TMEM151B: variants seen among roughly 807,000 people sequenced by gnomAD.
The protein encoded by TMEM151B is transmembrane protein 151B, also known as transmembrane protein 193.
In TMEM151B, 18 loss-of-function variants were observed where a neutral mutation model predicts 33.0. The observed-to-expected ratio is 0.55, with a 90% confidence interval of 0.38 to 0.81. TMEM151B has a LOEUF of 0.81. Ranked by LOEUF, TMEM151B falls within the 30% of genes least tolerant of loss-of-function variation. The pLI, the probability that TMEM151B is intolerant of heterozygous loss-of-function variation, is 0.00. For missense variants in TMEM151B, 672 were observed against 843.4 expected, an observed-to-expected ratio of 0.80 and a Z score of 2.52; for synonymous variants, 354 against 373.6, an observed-to-expected ratio of 0.95 and a Z score of 0.61.
intron 1 of TMEM151B, among the ~76,000 whole-genome samples, 177 bp downstream of exon 1, chr6:44,271,054 T>A (rs1241135888): frequency 6.7e-6 from 1 of 148,430 alleles, no homozygotes; most frequent in Non-Finnish European, 1.5e-5. Context: ...CTGTCCGCGG[T>A]GCCGGGGAAG....
At position 44,275,992 on chromosome 6, in the gene TMEM151B, A is replaced by C; in HGVS notation, c.1166A>C (p.Glu389Ala). ...CAGCAGCTGGTGCCCAGCTACTCTG[A>C]GGCGGTGCTCATGGACCTGGCGGGG... is the stretch of plus-strand genomic sequence containing the variant. ...SNQQLVPSYS[E>A]AVLMDLAGLG... The change falls in exon 3 of 3, where the codon GAG (glutamate) becomes GCG (alanine). Residue 389 changes from glutamate (E) to alanine (A), a missense_variant. Transcript: ENST00000451188. The C allele has an allele frequency of 7.0e-7, 1 of 1,432,490 alleles. No individual in the cohort carries two copies. The highest frequency in any genetic ancestry group is 9.2e-7 in the Non-Finnish European group (1 of 1,092,614). 88.7% of individuals were successfully genotyped at this position (1,432,490 alleles called of 1,614,324 possible). A position where few individuals can be genotyped will look rare whatever the true frequency, so the allele number is the denominator to read the frequency against.
chr6:44,275,912 G>A lies in TMEM151B; in HGVS notation c.1086G>A (p.Leu362=). The change falls in exon 3 of 3, where the codon CTG becomes CTA. Residue 362 remains leucine (L), a synonymous_variant. Coordinates refer to ENST00000451188, the MANE Select transcript of TMEM151B (RefSeq NM_001137560.2). ...TGCTGCCCCCGCTCACCCACCGCCTGCCGCGGGTCAACACAGTAGACAGCA... is the reference window on the plus strand; with the variant it reads ...TGCTGCCCCCGCTCACCCACCGCCTACCGCGGGTCAACACAGTAGACAGCA... ...DELLPPLTHR[L]PRVNTVDSTE... 1 of 1,527,730 alleles carries A rather than the reference G, an allele frequency of 6.5e-7. No homozygotes were observed. The highest frequency in any genetic ancestry group is 8.8e-7 in the Non-Finnish European group (1 of 1,136,630). The allele number at this position is 1,527,730 out of a possible 1,614,324, so 94.6% of individuals were successfully genotyped here.
At chr6:44,271,028 C>T (rs563050616) in intron 1 of TMEM151B, among the ~76,000 whole-genome samples, 151 bp downstream of exon 1, 14 of 149,166 alleles carry the variant, frequency 9.4e-5, no homozygotes, top group African/African-American at 3.4e-4. Flanking sequence ...CCGCCGCCCC[C>T]ACCCGGCGGC....
At chr6:44,272,801 TG>T (rs887564605) in intron 1 of TMEM151B, among the ~76,000 whole-genome samples, 38 of 152,146 alleles carry the variant, frequency 2.5e-4, no homozygotes, top group African/African-American at 9.2e-4. Context: ...CTCTGCCTCT[TG>T]GGGTGTCTCT....
At position 44,276,400 on chromosome 6, in the gene TMEM151B, G is replaced by GGCC. The variant is rs758467547; in HGVS notation, c.1584_1586dup (p.Pro529dup). The GGCC allele has an allele frequency of 6.6e-7, 1 of 1,514,232 alleles. No individual in the cohort carries two copies. Among genetic ancestry groups the GGCC allele is most frequent in the African/African-American group, 1.4e-5 (1 of 70,782 alleles). The allele number at this position is 1,514,232 out of a possible 1,614,324, so 93.8% of individuals were successfully genotyped here. ...GAGGACGACGACGAGGAGGAGGCCGGGCCGCCGCCGCCCTACCACGACGCC... is the reference window on the plus strand; with the variant it reads ...GAGGACGACGACGAGGAGGAGGCCGGGCCGCCGCCGCCGCCCTACCACGACGCC... On this transcript the variant is annotated inframe_insertion, in exon 3 of 3. Transcript: ENST00000451188.
chr6:44,274,805 G>A (rs556320518), intron 2 of TMEM151B, among the ~76,000 whole-genome samples: 1 of 152,318 alleles, frequency 6.6e-6, no homozygotes, highest in Non-Finnish European at 1.5e-5. Flanking sequence ...GACCCCTAGA[G>A]GAAGCAGGGC....
chr6:44,271,372 G>GGGGT (rs1561916716), intron 1 of TMEM151B, among the ~76,000 whole-genome samples: 1 of 119,692 alleles, frequency 8.4e-6, no homozygotes, highest in East Asian at 2.4e-4. Flanking sequence ...TGTGTGTGGG[G>GGGGT]GGGGGTGTGC....
Position 44,273,275 on chromosome 6 carries a change from C to T in TMEM151B, c.345C>T (p.Ile115=). The T allele has an allele frequency of 6.4e-7, 1 of 1,551,838 alleles. No homozygotes were observed. The highest frequency in any genetic ancestry group is 8.7e-7 in the Non-Finnish European group (1 of 1,147,026). The change falls in exon 2 of 3, where the codon ATC becomes ATT. Residue 115 remains isoleucine, a synonymous_variant. Transcript: ENST00000451188. Reference sequence around the variant, plus strand: ...CCTGCTCCAACGGCTATGTCTACATCCCCCTGGCCTTCCTGCTCATGTTGT... The same window carrying T: ...CCTGCTCCAACGGCTATGTCTACATTCCCCTGGCCTTCCTGCTCATGTTGT... ...DSPCSNGYVY[I]PLAFLLMLYA...
Position 44,278,089 on chromosome 6 carries a change from T to C in TMEM151B, c.*1562T>C. The stretch of plus-strand genomic sequence containing the variant: ...CTCCTCCTTACCCTCCTTCAGCCCC[T>C]CTCATCTTCCTTCAGCCCAGCCAGG... On this transcript the variant is annotated 3_prime_UTR_variant, in exon 3 of 3. Transcript: ENST00000451188. 6.4e-6 allele frequency: 1 copy of C among 155,190 alleles called. No individual in the cohort carries two copies. Among genetic ancestry groups the C allele is most frequent in the Non-Finnish European group, 1.5e-5 (1 of 68,730 alleles). 9.6% of individuals were successfully genotyped at this position (155,190 alleles called of 1,614,324 possible).
Position 44,275,840 on chromosome 6 carries a change from G to C in TMEM151B, c.1014G>C (p.Pro338=), listed in dbSNP as rs751382130. Residue 338 remains proline (P), a synonymous_variant, in exon 3 of 3, where the codon CCG becomes CCC. Transcript: ENST00000451188. ...AGAAGCTATTTGGCCTGGAGGGCCC[G>C]GGCTCGGCCAGCAGCGCAGGCGGTG... ...HVEKLFGLEG[P]GSASSAGGGL... is the part of the protein sequence containing the mutation. 6.8e-4 allele frequency: 1,041 copies of C among 1,541,934 alleles called. 1 individual carries two copies. The highest frequency in any genetic ancestry group is 8.7e-4 in the Non-Finnish European group (998 of 1,145,822).
Position 44,273,374 on chromosome 6 carries a change from T to C in TMEM151B, c.444T>C (p.Ser148=). Residue 148 remains serine (S), a synonymous_variant, in exon 2 of 3, where the codon AGT becomes AGC. Transcript: ENST00000451188. ...HELQHRVDVS[S]VRERVGRMQQ... ...TGCAGCACCGTGTTGATGTGAGCAG[T>C]GTGCGGGAACGTGTGGGCCGCATGC... is the stretch of plus-strand genomic sequence containing the variant. 1.3e-6 allele frequency: 2 copies of C among 1,551,524 alleles called. No homozygotes were observed. The highest frequency in any genetic ancestry group is 2.4e-5 in the East Asian group (1 of 40,930).
Position 44,278,384 on chromosome 6 carries a change from G to A in TMEM151B, c.*1857G>A, listed in dbSNP as rs1782675636. On this transcript the variant is annotated 3_prime_UTR_variant, in exon 3 of 3. Coordinates refer to ENST00000451188, the MANE Select transcript of TMEM151B (RefSeq NM_001137560.2). The stretch of plus-strand genomic sequence containing the variant: ...TGCCTACTAGCACTGAACCTGCCTG[G>A]ACCCTGAGTCTGTGCTCCTTGGGGG... 6.5e-6 allele frequency: 1 copy of A among 153,026 alleles called. No homozygotes were observed. Among genetic ancestry groups the A allele is most frequent in the African/African-American group, 2.4e-5 (1 of 41,498 alleles). The allele number at this position is 153,026 out of a possible 1,614,324, so 9.5% of individuals were successfully genotyped here.
intron 1 of TMEM151B, among the ~76,000 whole-genome samples, chr6:44,272,640 C>T (rs923781242): frequency 6.6e-6 from 1 of 152,168 alleles, no homozygotes; most frequent in Middle Eastern, 3.2e-3. Context: ...GACCTTCCTT[C>T]GCTGATGCCT....
At chr6:44,274,400 T>G (rs567420933) in intron 2 of TMEM151B, among the ~76,000 whole-genome samples, 5 of 152,020 alleles carry the variant, frequency 3.3e-5, no homozygotes, top group African/African-American at 1.2e-4. Context: ...GATGTCAAGT[T>G]CAAGGGTCTA....
intron 2 of TMEM151B, among the ~76,000 whole-genome samples, 169 bp downstream of exon 2, chr6:44,273,675 A>G (rs1304581361): frequency 2.6e-5 from 4 of 152,256 alleles, no homozygotes; most frequent in Non-Finnish European, 5.9e-5. Context: ...TAATCATAAC[A>G]GCAAAAACCG....
At position 44,275,975 on chromosome 6, in the gene TMEM151B, G is replaced by A; in HGVS notation, c.1149G>A (p.Leu383=). 6.9e-7 allele frequency: 1 copy of A among 1,457,468 alleles called. No homozygotes were observed. Among genetic ancestry groups the A allele is most frequent in the Admixed American group, 2.7e-5 (1 of 37,502 alleles). 90.3% of individuals were successfully genotyped at this position (1,457,468 alleles called of 1,614,324 possible). A position where few individuals can be genotyped will look rare whatever the true frequency, so the allele number is the denominator to read the frequency against. Residue 383 remains leucine, a synonymous_variant, in exon 3 of 3, where the codon CTG becomes CTA. Coordinates refer to ENST00000451188, the MANE Select transcript of TMEM151B (RefSeq NM_001137560.2). ...LEWHIRSNQQ[L]VPSYSEAVLM... is the part of the protein sequence containing the mutation. Reference sequence around the variant, plus strand: ...GGCACATCCGCTCCAACCAGCAGCTGGTGCCCAGCTACTCTGAGGCGGTGC... The same window carrying A: ...GGCACATCCGCTCCAACCAGCAGCTAGTGCCCAGCTACTCTGAGGCGGTGC...
rs189245417 is a variant in TMEM151B, at chr6:44,273,134, C to T, written c.204C>T (p.Leu68=). 3.7e-5 allele frequency: 57 copies of T among 1,534,276 alleles called. 1 individual carries two copies. The East Asian group carries it at 1.4e-3, about 36-fold the overall frequency. The change falls in exon 2 of 3, where the codon CTC becomes CTT. Residue 68 remains leucine, a synonymous_variant. Transcript: ENST00000451188. ...CRESHWKCLL[L]SLLMYGCLGA... is the part of the protein sequence containing the mutation. ...AGTCCCACTGGAAGTGCCTCCTGCTCTCGCTGCTCATGTACGGCTGCCTGG... is the reference window on the plus strand; with the variant it reads ...AGTCCCACTGGAAGTGCCTCCTGCTTTCGCTGCTCATGTACGGCTGCCTGG...
rs1782548901 is a variant in TMEM151B at position 44,275,527 on chromosome 6, TCAC to T, written c.704_706del (p.Thr235del). The T allele has an allele frequency of 6.5e-7, 1 of 1,550,252 alleles. No individual in the cohort carries two copies. The highest frequency in any genetic ancestry group is 8.7e-7 in the Non-Finnish European group (1 of 1,146,542). On this transcript the variant is annotated inframe_deletion, in exon 3 of 3. Transcript: ENST00000451188. ...GGCGCGCCGGCCACGCGGCTGCGCT[TCAC>T]CAAGTGCTTCAGTTTCGCCAGCGTG...
At chr6:44,272,635 T>C (rs947553583) in intron 1 of TMEM151B, among the ~76,000 whole-genome samples, 3 of 152,148 alleles carry the variant, frequency 2.0e-5, no homozygotes, top group African/African-American at 4.8e-5. Flanking sequence ...CTGGGGACCT[T>C]CCTTCGCTGA....
Sources: gnomAD v4.1 joint callset for allele counts (sites outside exome capture counted in the v4.1 genomes callset) on GRCh38, gnomAD v4.1.1 for gene constraint, MANE v1.5 for transcripts, NCBI Gene and HGNC (gene_info 2026-07-23, HGNC 2026-07-21) for gene names.